ECPAS: variants seen among roughly 807,000 people sequenced by gnomAD.
ECPAS encodes proteasome adapter and scaffold protein ECM29.
A neutral mutation model predicts 255.1 loss-of-function variants in ECPAS; 70 were observed. The observed-to-expected ratio is 0.27, with a 90% CI of 0.23 to 0.33. ECPAS has a LOEUF of 0.33. Among genes scored for constraint, ECPAS ranks in the 10% least tolerant of loss-of-function variants. ECPAS has a pLI of 1.00. For synonymous variants in ECPAS, 784 were observed against 775.0 expected, an observed-to-expected ratio of 1.01 and a Z score of -0.19; for missense variants, 1,817 against 2,206.4, an observed-to-expected ratio of 0.82 and a Z score of 3.54.
intron 10 of ECPAS, among the ~76,000 whole-genome samples, chr9:111,426,501 T>C (rs1427835306): frequency 6.6e-6 from 1 of 151,908 alleles, no homozygotes; most frequent in Non-Finnish European, 1.5e-5. Flanking sequence ...TGCTAGGTAC[T>C]AAGAGATATA....
chr9:111,477,031 AC>A (rs1226740284), intron 1 of ECPAS, among the ~76,000 whole-genome samples: 1 of 150,746 alleles, frequency 6.6e-6, no homozygotes, highest in East Asian at 2.0e-4. Context: ...CGAACTCCCA[AC>A]GTCAGGTGAT....
chr9:111,421,841 A>G, intron 15 of ECPAS, 80 bp downstream of exon 15: 1 of 1,505,290 alleles, frequency 6.6e-7, no homozygotes, highest in South Asian at 1.3e-5. Context: ...CTCTTATCAA[A>G]AGTTAAGTAG....
At chr9:111,458,589 T>C (rs1242666112) in intron 2 of ECPAS, among the ~76,000 whole-genome samples, 1 of 151,490 alleles carries the variant, frequency 6.6e-6, no homozygotes. Context: ...ATCTTGCAGG[T>C]TTTCAGCCAG....
At chr9:111,364,239 C>A (rs1476498431) in intron 48 of ECPAS, among the ~76,000 whole-genome samples, 1 of 152,058 alleles carries the variant, frequency 6.6e-6, no homozygotes, top group Non-Finnish European at 1.5e-5. Flanking sequence ...ACAACCAAGC[C>A]CAAAGCAGGG....
intron 2 of ECPAS, among the ~76,000 whole-genome samples, chr9:111,452,652 C>T (rs546035073): frequency 1.8e-4 from 27 of 152,182 alleles, no homozygotes; most frequent in Middle Eastern, 3.4e-3. Context: ...TAATTTTCTA[C>T]AGGAAGATAG....
intron 36 of ECPAS, among the ~76,000 whole-genome samples, chr9:111,376,815 T>C (rs902574238): frequency 6.6e-6 from 1 of 152,206 alleles, no homozygotes; most frequent in African/African-American, 2.4e-5. Flanking sequence ...TCCAGCCTTC[T>C]TGAGCCTGAG....
chr9:111,377,769 T>C lies in ECPAS; in HGVS notation c.3954+811A>G, dbSNP rs140738514. ...TCCTCAGGGAATGATACTGTGGTGA[T>C]TGGGAGACCTTCTATGGGATTACTT... On this transcript the variant is annotated intron_variant, in intron 36 of 49. Coordinates refer to ENST00000684092, the MANE Select transcript of ECPAS (RefSeq NM_001364929.1). Among the ~76,000 whole-genome samples the C allele has an allele frequency of 1.2e-4, 19 of 152,320 alleles. No homozygotes were observed. The East Asian group carries it at 2.5e-3, about 20-fold the overall frequency.
chr9:111,471,327 C>G (rs2098287803), intron 2 of ECPAS, among the ~76,000 whole-genome samples: 1 of 151,968 alleles, frequency 6.6e-6, no homozygotes, highest in Admixed American at 6.6e-5. Flanking sequence ...CTCTAAACGC[C>G]CAAGGAATAA....
At chr9:111,428,495 T>C (rs921003718) in intron 9 of ECPAS, among the ~76,000 whole-genome samples, 2 of 152,188 alleles carry the variant, frequency 1.3e-5, no homozygotes, top group Admixed American at 6.5e-5. Flanking sequence ...CTGTTTTACA[T>C]TGTCTACTAA....
chr9:111,419,157 A>G (rs773840386), intron 16 of ECPAS, among the ~76,000 whole-genome samples: 3 of 152,208 alleles, frequency 2.0e-5, no homozygotes, highest in Non-Finnish European at 4.4e-5. Flanking sequence ...GGACCATAAA[A>G]GTTTATGGGC....
At chr9:111,363,388 A>C (rs1478646254) in intron 49 of ECPAS, among the ~76,000 whole-genome samples, 200 bp downstream of exon 49, 1 of 152,184 alleles carries the variant, frequency 6.6e-6, no homozygotes, top group Non-Finnish European at 1.5e-5. Flanking sequence ...TATATTAAAA[A>C]TATATAAAAG....
chr9:111,467,096 G>A (rs2098280493), intron 2 of ECPAS, among the ~76,000 whole-genome samples: 1 of 151,940 alleles, frequency 6.6e-6, no homozygotes, highest in African/African-American at 2.4e-5. Context: ...TCTAAATTAG[G>A]GAGGAAAAGC....
At position 111,416,187 on chromosome 9, in the gene ECPAS, A is replaced by G; in HGVS notation, c.1764+85T>C. ...ACAATATGGGTTTACCTAAAACACAACAAAATGACAGACCCCTCTTTGGGT... is the reference window on the plus strand; with the variant it reads ...ACAATATGGGTTTACCTAAAACACAGCAAAATGACAGACCCCTCTTTGGGT... On this transcript the variant is annotated intron_variant, in intron 18 of 49. Coordinates refer to ENST00000684092, the MANE Select transcript of ECPAS (RefSeq NM_001364929.1). 3 of 969,370 alleles carry G rather than the reference A, an allele frequency of 3.1e-6. No individual in the cohort carries two copies. In the Middle Eastern group the frequency reaches 6.4e-4, roughly 207 times the overall value. The allele number at this position is 969,370 out of a possible 1,614,324, so 60.0% of individuals were successfully genotyped here.
intron 10 of ECPAS, among the ~76,000 whole-genome samples, chr9:111,426,079 C>T (rs370299482): frequency 6.6e-6 from 1 of 152,164 alleles, no homozygotes; most frequent in Non-Finnish European, 1.5e-5. Context: ...AGTGAGGAAA[C>T]GAAGAGTACA....
chr9:111,428,397 A>G (rs1259899254), intron 9 of ECPAS, among the ~76,000 whole-genome samples: 1 of 152,216 alleles, frequency 6.6e-6, no homozygotes, highest in African/African-American at 2.4e-5. Context: ...ACTCACAATT[A>G]TTAATAAACT....
chr9:111,407,421 A>AG (rs2098186258), intron 24 of ECPAS, among the ~76,000 whole-genome samples: 2 of 128,798 alleles, frequency 1.6e-5, no homozygotes, highest in African/African-American at 3.5e-5. Flanking sequence ...AAAAAAAAAA[A>AG]AAAAAAAAAA....
intron 3 of ECPAS, 122 bp downstream of exon 3, chr9:111,451,303 T>C: frequency 1.0e-6 from 1 of 997,932 alleles, no homozygotes; most frequent in Non-Finnish European, 1.5e-6. Context: ...TTACTCTCCA[T>C]TTTGAAAGGC....
intron 7 of ECPAS, among the ~76,000 whole-genome samples, chr9:111,435,368 A>G (rs2098236472): frequency 6.6e-6 from 1 of 152,238 alleles, no homozygotes; most frequent in Non-Finnish European, 1.5e-5. Flanking sequence ...TCAGCACTAG[A>G]TTATGAAACT....
At chr9:111,414,824 A>T (rs1397773608) in intron 18 of ECPAS, among the ~76,000 whole-genome samples, 173 bp from the exon 19 acceptor site, 4 of 152,270 alleles carry the variant, frequency 2.6e-5, no homozygotes, top group Non-Finnish European at 5.9e-5. Flanking sequence ...TTTGTATAAT[A>T]AGGTTTGCAA....
Sources: gnomAD v4.1 joint callset for allele counts (sites outside exome capture counted in the v4.1 genomes callset) on GRCh38, gnomAD v4.1.1 for gene constraint, MANE v1.5 for transcripts, NCBI Gene and HGNC (gene_info 2026-07-23, HGNC 2026-07-21) for gene names.